The following FRK variants were observed in gnomAD, a reference collection of about 807,000 sequenced individuals.
FRK encodes the protein fyn related Src family tyrosine kinase.
Under a neutral mutation model 56.4 loss-of-function variants are expected in FRK, and 51 were observed. That is an observed-to-expected ratio of 0.90 (90% CI 0.72 to 1.14). The LOEUF (loss-of-function observed/expected upper bound fraction) is 1.14, where lower values mean the gene tolerates loss of function less well. Ranked by LOEUF, FRK falls within the 50% of genes most tolerant of loss-of-function variation. The probability of loss-of-function intolerance (pLI) is 0.00; values close to 1 mark genes in which losing one functional copy is unlikely to be tolerated. For missense variants in FRK, 570 were observed against 601.4 expected (o/e 0.95, Z 0.55); for synonymous variants, 245 against 217.9 (o/e 1.12, Z -1.10).
chr6:115,973,772 G>A (rs1470142394), intron 2 of FRK, among the ~76,000 whole-genome samples: 2 of 151,966 alleles, frequency 1.3e-5, no homozygotes, highest in Non-Finnish European at 2.9e-5. Context: ...TCAGGAGGCT[G>A]AGGCAGGAGA....
At chr6:116,053,772 TG>T in intron 1 of FRK, among the ~76,000 whole-genome samples, 1 of 152,248 alleles carries the variant, frequency 6.6e-6, no homozygotes, top group East Asian at 1.9e-4. Context: ...AGAGTGATTC[TG>T]AATGACATAT....
intron 2 of FRK, among the ~76,000 whole-genome samples, chr6:115,970,527 G>A (rs2114609202): frequency 6.6e-6 from 1 of 152,280 alleles, no homozygotes; most frequent in Middle Eastern, 3.4e-3. Flanking sequence ...ATGCAAATTT[G>A]TAAATAAACA....
rs906176902 is a variant in FRK at position 115,942,399 on chromosome 6, A to C, written c.*15T>G. ...TTGTTTTGCTACTTTATTATTTGAT[A>C]TTCTTCTCCAGTGTTCATCTTATGA... On this transcript the variant is annotated 3_prime_UTR_variant, in exon 8 of 8. Transcript: ENST00000606080. The C allele has an allele frequency of 6.3e-7, 1 of 1,586,306 alleles. No homozygotes were observed. The highest frequency in any genetic ancestry group is 8.6e-7 in the Non-Finnish European group (1 of 1,156,108).
rs1404916583 is a variant in FRK at position 116,060,785 on chromosome 6, C to G, written c.-474G>C. 3 of 159,716 alleles carry G rather than the reference C, an allele frequency of 1.9e-5. No homozygotes were observed. The highest frequency in any genetic ancestry group is 1.8e-4 in the South Asian group (1 of 5,428). 9.9% of individuals were successfully genotyped at this position (159,716 alleles called of 1,614,324 possible). Reference sequence around the variant, plus strand: ...GCTCTCCCCCTGTTTCAAGTCTGTTCCTGTCTTTCGACCAGTCCGGATCTG... The same window carrying G: ...GCTCTCCCCCTGTTTCAAGTCTGTTGCTGTCTTTCGACCAGTCCGGATCTG... On this transcript the variant is annotated 5_prime_UTR_variant, in exon 1 of 8. Coordinates refer to ENST00000606080, the MANE Select transcript of FRK (RefSeq NM_002031.3).
intron 1 of FRK, among the ~76,000 whole-genome samples, chr6:116,020,441 G>A (rs1426566615): frequency 2.0e-5 from 3 of 151,894 alleles, no homozygotes; most frequent in Non-Finnish European, 2.9e-5. Flanking sequence ...ACAGGCACAC[G>A]CCACCACATC....
At chr6:115,945,849 C>A (rs2114519572) in intron 5 of FRK, among the ~76,000 whole-genome samples, 2 of 152,172 alleles carry the variant, frequency 1.3e-5, no homozygotes, top group Middle Eastern at 6.8e-3. Flanking sequence ...ACTACTAATT[C>A]TTTATAACTA....
At chr6:116,093,367 T>G in the FRK span, among the ~76,000 whole-genome samples, 1 of 137,874 alleles carries the variant, frequency 7.3e-6, no homozygotes, top group Admixed American at 7.3e-5. Context: ...CAGATCAAGG[T>G]AGACCTGGGG....
At chr6:115,971,190 T>C (rs1773793522) in intron 2 of FRK, among the ~76,000 whole-genome samples, 1 of 152,202 alleles carries the variant, frequency 6.6e-6, no homozygotes, top group Non-Finnish European at 1.5e-5. Context: ...TATATTATGG[T>C]TCATGCTGTA....
the FRK span, among the ~76,000 whole-genome samples, chr6:116,094,835 CAA>C: frequency 6.6e-6 from 1 of 151,072 alleles, no homozygotes; most frequent in African/African-American, 2.4e-5. Context: ...GACAGAAAGT[CAA>C]AGAGAGGAAG....
chr6:116,060,775 C>G lies in FRK; in HGVS notation c.-464G>C, dbSNP rs185584824. On this transcript the variant is annotated 5_prime_UTR_variant, in exon 1 of 8. Transcript: ENST00000606080. The stretch of plus-strand genomic sequence containing the variant: ...TTCGCCAGGAGCTCTCCCCCTGTTT[C>G]AAGTCTGTTCCTGTCTTTCGACCAG... 6.8e-4 allele frequency: 109 copies of G among 160,452 alleles called. No individual in the cohort carries two copies. In the Middle Eastern group the frequency reaches 9.6e-3, roughly 14 times the overall value. 9.9% of individuals were successfully genotyped at this position (160,452 alleles called of 1,614,324 possible). A position where few individuals can be genotyped will look rare whatever the true frequency, so the allele number is the denominator to read the frequency against.
intron 1 of FRK, among the ~76,000 whole-genome samples, chr6:116,041,632 G>C (rs1776717038): frequency 6.6e-6 from 1 of 152,156 alleles, no homozygotes; most frequent in African/African-American, 2.4e-5. Context: ...CCTCACCCAG[G>C]AAGCTCAAGG....
chr6:116,064,558 AGT>A (rs763055561), upstream of FRK, among the ~76,000 whole-genome samples: 26 of 152,288 alleles, frequency 1.7e-4, no homozygotes, highest in Non-Finnish European at 3.7e-4. Context: ...AAAGTTCTAT[AGT>A]GTGAAAAGAG....
chr6:116,090,816 C>A, the FRK span, among the ~76,000 whole-genome samples: 1 of 152,196 alleles, frequency 6.6e-6, no homozygotes, highest in African/African-American at 2.4e-5. Context: ...TAAGTTTAAC[C>A]TGGAACTAGC....
At position 116,003,391 on chromosome 6, in the gene FRK, G is replaced by T. The variant is rs143654939; in HGVS notation, c.466+486C>A. Among the ~76,000 whole-genome samples, 66 of 152,252 alleles carry T rather than the reference G, an allele frequency of 4.3e-4. 1 individual carries two copies. Among genetic ancestry groups the T allele is most frequent in the Admixed American group, 3.5e-3 (53 of 15,304 alleles). On this transcript the variant is annotated intron_variant, in intron 2 of 7. Coordinates refer to ENST00000606080, the MANE Select transcript of FRK (RefSeq NM_002031.3). The stretch of plus-strand genomic sequence containing the variant: ...CCTGGGGCAGTGTAAACACGTACTT[G>T]ATCCTTAAGTGAAAAACTACATTTG...
intron 1 of FRK, among the ~76,000 whole-genome samples, chr6:116,023,885 G>A (rs529469960): frequency 8.6e-5 from 13 of 152,020 alleles, no homozygotes; most frequent in South Asian, 4.2e-4. Context: ...TAAACTGTAC[G>A]TAAGAAAGAA....
intron 1 of FRK, among the ~76,000 whole-genome samples, chr6:116,024,611 C>G (rs2114744677): frequency 6.6e-6 from 1 of 151,992 alleles, no homozygotes; most frequent in Admixed American, 6.6e-5. Flanking sequence ...TTTTTTATGG[C>G]TGCATAGTAT....
intron 2 of FRK, among the ~76,000 whole-genome samples, chr6:116,001,983 T>A (rs1357515741): frequency 1.3e-5 from 2 of 152,182 alleles, no homozygotes; most frequent in African/African-American, 4.8e-5. Flanking sequence ...GGGGTATAAG[T>A]ATGTATGTAT....
At chr6:116,007,719 A>G (rs373152520) in intron 1 of FRK, among the ~76,000 whole-genome samples, 1 of 152,210 alleles carries the variant, frequency 6.6e-6, no homozygotes, top group African/African-American at 2.4e-5. Context: ...ATAAAGTATC[A>G]TACTCCAAAG....
intron 2 of FRK, among the ~76,000 whole-genome samples, chr6:116,001,215 T>C (rs1387272825): frequency 6.7e-6 from 1 of 149,928 alleles, no homozygotes; most frequent in Non-Finnish European, 1.5e-5. Context: ...TCCAGCCTGG[T>C]CGGCAGAGTG....
Sources: gnomAD v4.1 joint callset for allele counts (sites outside exome capture counted in the v4.1 genomes callset) on GRCh38, gnomAD v4.1.1 for gene constraint, MANE v1.5 for transcripts, NCBI Gene and HGNC (gene_info 2026-07-23, HGNC 2026-07-21) for gene names.